NR6A1: variants seen among roughly 807,000 people sequenced by gnomAD.
The protein encoded by NR6A1 is retinoic acid receptor-related testis-associated receptor.
In NR6A1, 7 loss-of-function variants were observed where a neutral mutation model predicts 59.1. That is an observed-to-expected ratio of 0.12 (90% CI 0.07 to 0.22). The LOEUF is 0.22. Ranked by LOEUF, NR6A1 falls within the 10% of genes least tolerant of loss-of-function variation. The pLI, the probability that NR6A1 is intolerant of heterozygous loss-of-function variation, is 1.00. For synonymous variants in NR6A1, 243 were observed against 236.1 expected, an observed-to-expected ratio of 1.03 and a Z score of -0.27; for missense variants, 468 against 611.6, an observed-to-expected ratio of 0.77 and a Z score of 2.48.
At chr9:124,721,196 C>T (rs1277602588) in intron 2 of NR6A1, among the ~76,000 whole-genome samples, 2 of 152,170 alleles carry the variant, frequency 1.3e-5, no homozygotes, top group African/African-American at 2.4e-5. Context: ...TCCAAGGACC[C>T]AACAACCGCC....
At chr9:124,658,579 G>C (rs149128897) in intron 2 of NR6A1, 1 of 152,216 alleles carries the variant, frequency 6.6e-6, no homozygotes, top group African/African-American at 2.4e-5. Flanking sequence ...TCTACAGCAA[G>C]AATCCTATCT....
In NR6A1 at chr9:124,771,206, G is replaced by A; in HGVS notation, c.-87C>T. ...CGTGGTCGTCGTCCGCCGAGGGGAG[G>A]AGGTTGTCAGGAGCCCGCGAGCTCC... On this transcript the variant is annotated 5_prime_UTR_variant, in exon 1 of 10. Coordinates refer to ENST00000487099, the MANE Select transcript of NR6A1 (RefSeq NM_033334.4). 6 of 751,798 alleles carry A rather than the reference G, an allele frequency of 8.0e-6. No individual in the cohort carries two copies. Among genetic ancestry groups the A allele is most frequent in the Non-Finnish European group, 1.1e-5 (6 of 549,134 alleles). 46.6% of individuals were successfully genotyped at this position (751,798 alleles called of 1,614,324 possible). A position where few individuals can be genotyped will look rare whatever the true frequency, so the allele number is the denominator to read the frequency against.
At chr9:124,749,165 G>C (rs1045738812) in intron 1 of NR6A1, among the ~76,000 whole-genome samples, 1 of 151,806 alleles carries the variant, frequency 6.6e-6, no homozygotes, top group Non-Finnish European at 1.5e-5. Context: ...AGGAGGCCGA[G>C]GCAGGAGAAT....
Position 124,638,036 on chromosome 9 carries a change from C to T in NR6A1, c.143-83466G>A, listed in dbSNP as rs187401123. Among the ~76,000 whole-genome samples the T allele has an allele frequency of 2.6e-3, 392 of 152,064 alleles. 2 individuals are homozygous for T. Among genetic ancestry groups the T allele is most frequent in the Non-Finnish European group, 3.7e-3 (249 of 67,968 alleles). The stretch of plus-strand genomic sequence containing the variant: ...TAGGCAGGAGGAGGATAGCCTGAGT[C>T]CAGGAGTTCTGGACCAGCCTGGACA... On this transcript the variant is annotated intron_variant, in intron 2 of 9. Coordinates refer to ENST00000487099, the MANE Select transcript of NR6A1 (RefSeq NM_033334.4).
rs957549260 is a variant in NR6A1 at position 124,685,558 on chromosome 9, G to A, written c.142+47750C>T. ...TTGCCCTGGCTGGTCTCAAACTCCTGGGCCCAAGTGATCCTCTTGCTGTGG... is the reference window on the plus strand; with the variant it reads ...TTGCCCTGGCTGGTCTCAAACTCCTAGGCCCAAGTGATCCTCTTGCTGTGG... On this transcript the variant is annotated intron_variant, in intron 2 of 9. Coordinates refer to ENST00000487099, the MANE Select transcript of NR6A1 (RefSeq NM_033334.4). Among the ~76,000 whole-genome samples the A allele has an allele frequency of 2.0e-5, 3 of 152,116 alleles. No homozygotes were observed. The South Asian group carries it at 6.2e-4, about 32-fold the overall frequency.
intron 2 of NR6A1, among the ~76,000 whole-genome samples, chr9:124,700,986 C>A (rs549010050): frequency 6.6e-6 from 1 of 151,924 alleles, no homozygotes; most frequent in South Asian, 2.1e-4. Context: ...GTCTCAAACT[C>A]CTGACCTCAG....
intron 2 of NR6A1, among the ~76,000 whole-genome samples, chr9:124,655,542 C>T (rs1371357291): frequency 6.6e-6 from 1 of 152,144 alleles, no homozygotes; most frequent in Non-Finnish European, 1.5e-5. Flanking sequence ...TATACAGAGG[C>T]ACAAGGCACA....
At chr9:124,659,287 G>A (rs10986390) in intron 2 of NR6A1, among the ~76,000 whole-genome samples, 12 of 152,038 alleles carry the variant, frequency 7.9e-5, no homozygotes, top group East Asian at 7.7e-4. Context: ...GGGCGGGAGC[G>A]GGGGGGCGGG....
At position 124,522,811 on chromosome 9, in the gene NR6A1, G is replaced by A; in HGVS notation, c.1355-18C>T. On this transcript the variant is annotated intron_variant, in intron 9 of 9. Transcript: ENST00000487099. The stretch of plus-strand genomic sequence containing the variant: ...CATCTTTCCTGGGAACAAGGGGGGA[G>A]AAGAAGAGTTAGCAGTGGTCACTCT... 2 of 1,563,564 alleles carry A rather than the reference G, an allele frequency of 1.3e-6. No homozygotes were observed. The highest frequency in any genetic ancestry group is 1.2e-5 in the South Asian group (1 of 84,938).
intron 2 of NR6A1, among the ~76,000 whole-genome samples, chr9:124,580,508 G>C (rs1053688114): frequency 6.6e-6 from 1 of 152,046 alleles, no homozygotes; most frequent in Admixed American, 6.6e-5. Context: ...CAATAGCCAA[G>C]GCAATCCTAA....
rs116174053 is a variant in NR6A1 at position 124,531,058 on chromosome 9, A to G, written c.1080-4158T>C. ...TAAGATAGAATTTGGCATAATTGTT[A>G]GCTGTTATCATTACAAATAGCATCA... On this transcript the variant is annotated intron_variant, in intron 7 of 9. Transcript: ENST00000487099. Among the ~76,000 whole-genome samples the G allele has an allele frequency of 1.3e-3, 196 of 152,380 alleles. 1 individual carries two copies. Among genetic ancestry groups the G allele is most frequent in the African/African-American group, 4.5e-3 (187 of 41,596 alleles).
chr9:124,588,454 C>G (rs1292204622), intron 2 of NR6A1, among the ~76,000 whole-genome samples: 1 of 151,508 alleles, frequency 6.6e-6, no homozygotes, highest in East Asian at 2.0e-4. Context: ...ACTACAGGCG[C>G]CCGCCACCAC....
At chr9:124,686,237 TA>T (rs1400030626) in intron 2 of NR6A1, among the ~76,000 whole-genome samples, 1 of 152,232 alleles carries the variant, frequency 6.6e-6, no homozygotes, top group Non-Finnish European at 1.5e-5. Context: ...AATAGTCTTA[TA>T]TCACTGATAC....
chr9:124,696,609 G>T (rs1448409092), intron 2 of NR6A1, among the ~76,000 whole-genome samples: 1 of 132,758 alleles, frequency 7.5e-6, no homozygotes, highest in Non-Finnish European at 1.5e-5. Flanking sequence ...TGCAACCTCT[G>T]CCTCCTGGGT....
chr9:124,580,838 T>C (rs1332488006), intron 2 of NR6A1, among the ~76,000 whole-genome samples: 1 of 151,690 alleles, frequency 6.6e-6, no homozygotes. Context: ...ATAATAATAA[T>C]AATAATAAAG....
At chr9:124,764,260 C>T (rs1459948887) in intron 1 of NR6A1, among the ~76,000 whole-genome samples, 8 of 151,972 alleles carry the variant, frequency 5.3e-5, no homozygotes, top group Non-Finnish European at 7.4e-5. Flanking sequence ...CTTCATTTTG[C>T]GGTAGATTTG....
At chr9:124,690,004 GATGA>G (rs1838473367) in intron 2 of NR6A1, among the ~76,000 whole-genome samples, 2 of 152,160 alleles carry the variant, frequency 1.3e-5, no homozygotes, top group African/African-American at 2.4e-5. Context: ...TCAGTAAAAG[GATGA>G]ATCAGAAAAC....
intron 1 of NR6A1, among the ~76,000 whole-genome samples, chr9:124,740,487 T>G (rs1840146187): frequency 6.6e-6 from 1 of 152,192 alleles, no homozygotes; most frequent in African/African-American, 2.4e-5. Flanking sequence ...ACACAGGGCT[T>G]GTAGGACTAA....
At chr9:124,765,709 G>C (rs1840914392) in intron 1 of NR6A1, among the ~76,000 whole-genome samples, 2 of 152,080 alleles carry the variant, frequency 1.3e-5, no homozygotes, top group Non-Finnish European at 1.5e-5. Flanking sequence ...GAATTACCGG[G>C]TTACACTAGT....
Sources: gnomAD v4.1 joint callset for allele counts (sites outside exome capture counted in the v4.1 genomes callset) on GRCh38, gnomAD v4.1.1 for gene constraint, MANE v1.5 for transcripts, NCBI Gene and HGNC (gene_info 2026-07-23, HGNC 2026-07-21) for gene names.